Variants in SASH1 observed in about 807,000 individuals in gnomAD.
SASH1 encodes the protein SAM and SH3 domain containing 1.
SASH1 carries 44 observed loss-of-function variants against 125.2 expected under a neutral mutation model. The observed-to-expected ratio is 0.35, with a 90% confidence interval of 0.28 to 0.45. The LOEUF (loss-of-function observed/expected upper bound fraction) is 0.45. Among genes scored for constraint, SASH1 ranks in the 20% least tolerant of loss-of-function variants. The pLI is 1.00. For missense variants in SASH1, 1,426 were observed against 1,614.5 expected, an observed-to-expected ratio of 0.88 and a Z score of 2.00; for synonymous variants, 639 against 649.1, an observed-to-expected ratio of 0.98 and a Z score of 0.24.
intron 16 of SASH1, among the ~76,000 whole-genome samples, chr6:148,535,159 T>TCAAA (rs1781766301): frequency 6.6e-6 from 1 of 152,160 alleles, no homozygotes; most frequent in African/African-American, 2.4e-5. Flanking sequence ...CATGCCAAGG[T>TCAAA]CAAACAGCAC....
At chr6:148,421,601 G>T (rs1785108838) in intron 2 of SASH1, among the ~76,000 whole-genome samples, 1 of 152,242 alleles carries the variant, frequency 6.6e-6, no homozygotes, top group African/African-American at 2.4e-5. Context: ...ACTGTGCCCA[G>T]CCAGGGCCAA....
chr6:148,200,604 C>A, the SASH1 span, among the ~76,000 whole-genome samples: 23 of 152,320 alleles, frequency 1.5e-4, no homozygotes, highest in Admixed American at 7.8e-4. Flanking sequence ...ATGTGAAGGT[C>A]AACCTCTTGG....
intron 16 of SASH1, among the ~76,000 whole-genome samples, chr6:148,538,792 G>A (rs1344925653): frequency 6.6e-6 from 1 of 152,200 alleles, no homozygotes; most frequent in Non-Finnish European, 1.5e-5. Context: ...CTTTGTGTAT[G>A]TGGTTGGAGT....
intron 1 of SASH1, among the ~76,000 whole-genome samples, chr6:148,278,452 T>C (rs1779249639): frequency 6.6e-6 from 1 of 152,202 alleles, no homozygotes; most frequent in Non-Finnish European, 1.5e-5. Flanking sequence ...CTATCTCCTT[T>C]GGAGCATTTT....
chr6:148,241,546 T>C, the SASH1 span, among the ~76,000 whole-genome samples: 34 of 152,342 alleles, frequency 2.2e-4, 1 homozygote, highest in South Asian at 7.0e-3. Flanking sequence ...CATAGCAATA[T>C]GCCCATTGTA....
chr6:148,469,876 A>G (rs1778018174), intron 5 of SASH1, among the ~76,000 whole-genome samples: 1 of 152,066 alleles, frequency 6.6e-6, no homozygotes, highest in Admixed American at 6.5e-5. Context: ...GAATACAAAA[A>G]TTAGCTGGGC....
intron 8 of SASH1, among the ~76,000 whole-genome samples, chr6:148,506,879 G>A (rs954357260): frequency 6.6e-6 from 1 of 152,190 alleles, no homozygotes; most frequent in African/African-American, 2.4e-5. Flanking sequence ...AGTGGCACAG[G>A]AGCAAAACCA....
chr6:148,359,325 G>GTT lies in SASH1; in HGVS notation c.156+16117_156+16118dup, dbSNP rs374218290. Among the ~76,000 whole-genome samples, 278 of 138,534 alleles carry GTT rather than the reference G, an allele frequency of 2.0e-3. 8 individuals carry two copies. The highest frequency in any genetic ancestry group is 7.5e-3 in the Middle Eastern group (2 of 266). The allele number at this position is 138,534 out of a possible 152,430, so 90.9% of individuals were successfully genotyped here. On this transcript the variant is annotated intron_variant, in intron 1 of 19. Coordinates refer to ENST00000367467, the MANE Select transcript of SASH1 (RefSeq NM_015278.5). Reference sequence around the variant, plus strand: ...AGGCATGAGCCATTGTGCTTGGCCGGTTTTTTTTTTTTTTTTAACAAATTG... The same window carrying GTT: ...AGGCATGAGCCATTGTGCTTGGCCGGTTTTTTTTTTTTTTTTTTAACAAATTG...
intron 1 of SASH1, among the ~76,000 whole-genome samples, chr6:148,376,840 C>T (rs1336141525): frequency 6.6e-6 from 1 of 151,888 alleles, no homozygotes; most frequent in Admixed American, 6.6e-5. Flanking sequence ...TGCATTCCAG[C>T]CTGGGTGACA....
intron 16 of SASH1, among the ~76,000 whole-genome samples, chr6:148,539,896 C>T (rs900002871): frequency 2.0e-5 from 3 of 152,084 alleles, no homozygotes; most frequent in Non-Finnish European, 4.4e-5. Context: ...GCCCTCAGCA[C>T]GTGTTGCTGA....
Position 148,548,722 on chromosome 6 carries a change from T to G in SASH1, c.*164T>G. 1.4e-6 allele frequency: 1 copy of G among 711,476 alleles called. No homozygotes were observed. The highest frequency in any genetic ancestry group is 2.1e-6 in the Non-Finnish European group (1 of 467,944). The allele number at this position is 711,476 out of a possible 1,614,324, so 44.1% of individuals were successfully genotyped here. A position where few individuals can be genotyped will look rare whatever the true frequency, so the allele number is the denominator to read the frequency against. On this transcript the variant is annotated 3_prime_UTR_variant, in exon 20 of 20. Transcript: ENST00000367467. ...CCTTGGCACAGGACTGAGGATCCTC[T>G]CCTCCAGAAAAGCCCCCTCGAGGAA... is the stretch of plus-strand genomic sequence containing the variant.
intron 1 of SASH1, among the ~76,000 whole-genome samples, chr6:148,296,322 C>T (rs1248783079): frequency 1.3e-5 from 2 of 152,110 alleles, no homozygotes; most frequent in Admixed American, 6.5e-5. Flanking sequence ...GATGGGGTTT[C>T]GCCATGTTGG....
chr6:148,507,355 C>G (rs1172897938), intron 8 of SASH1, among the ~76,000 whole-genome samples: 1 of 116,846 alleles, frequency 8.6e-6, no homozygotes, highest in East Asian at 2.2e-4. Context: ...ATTCCAATTC[C>G]CTTTTGTTGT....
Position 148,550,871 on chromosome 6 carries a change from G to A in SASH1, c.*2313G>A, listed in dbSNP as rs531596782. 5.2e-5 allele frequency: 8 copies of A among 152,436 alleles called. No individual in the cohort carries two copies. The South Asian group carries it at 1.7e-3, about 32-fold the overall frequency. 9.4% of individuals were successfully genotyped at this position (152,436 alleles called of 1,614,324 possible). On this transcript the variant is annotated 3_prime_UTR_variant, in exon 20 of 20. Transcript: ENST00000367467. The stretch of plus-strand genomic sequence containing the variant: ...GTGTAAGAGATGAGATAACAAAGGA[G>A]CGAGAGAAATCTCATGTGAATTTCC...
At chr6:148,251,412 C>T in the SASH1 span, among the ~76,000 whole-genome samples, 1 of 152,116 alleles carries the variant, frequency 6.6e-6, no homozygotes, top group African/African-American at 2.4e-5. Flanking sequence ...TATAAGAGTG[C>T]ACAGTTTCTA....
chr6:148,450,609 T>C (rs915165367), intron 4 of SASH1, among the ~76,000 whole-genome samples: 4 of 152,128 alleles, frequency 2.6e-5, no homozygotes, highest in Non-Finnish European at 5.9e-5. Context: ...CATATCATCA[T>C]TGTTGTTAAC....
intron 1 of SASH1, among the ~76,000 whole-genome samples, chr6:148,290,999 GTTTT>G (rs11339749): frequency 3.5e-5 from 5 of 144,172 alleles, no homozygotes; most frequent in Admixed American, 2.8e-4. Context: ...ACTTTATCTT[GTTTT>G]TTTTTTTTTC....
chr6:148,390,547 G>A (rs1482685321), intron 2 of SASH1, among the ~76,000 whole-genome samples: 1 of 152,182 alleles, frequency 6.6e-6, no homozygotes, highest in Non-Finnish European at 1.5e-5. Flanking sequence ...AGCACTTTGA[G>A]AGGCCCAGGC....
chr6:148,325,345 T>C (rs1034244367), intron 1 of SASH1, among the ~76,000 whole-genome samples: 3 of 151,960 alleles, frequency 2.0e-5, no homozygotes, highest in Non-Finnish European at 2.9e-5. Flanking sequence ...GTCGCGATTT[T>C]GGCTCACTGC....
Sources: allele counts gnomAD v4.1 joint callset (sites outside exome capture counted in the v4.1 genomes callset), GRCh38; gene constraint gnomAD v4.1.1; transcripts MANE v1.5; gene names NCBI Gene and HGNC (gene_info 2026-07-23, HGNC 2026-07-21).